BLTP3A: variants seen among roughly 807,000 people sequenced by gnomAD.
BLTP3A encodes the protein ICBP90 binding protein 1.
At chr6:34,866,587 A>G in the BLTP3A span, among the ~76,000 whole-genome samples, 1 of 152,190 alleles carries the variant, frequency 6.6e-6, no homozygotes, top group Non-Finnish European at 1.5e-5. Context: ...GGTAAAATAC[A>G]TATGAAATTT....
At chr6:34,810,079 A>G in the BLTP3A span, among the ~76,000 whole-genome samples, 1 of 152,242 alleles carries the variant, frequency 6.6e-6, no homozygotes, top group Non-Finnish European at 1.5e-5. Context: ...TGTTTACAAG[A>G]TGAATCAGGT....
the BLTP3A span, among the ~76,000 whole-genome samples, chr6:34,794,760 T>A: frequency 6.6e-6 from 1 of 151,618 alleles, no homozygotes; most frequent in Non-Finnish European, 1.5e-5. Context: ...ACAGATATTC[T>A]GTGCACTCCT....
chr6:34,801,977 TCCAC>T, the BLTP3A span, among the ~76,000 whole-genome samples: 1 of 152,092 alleles, frequency 6.6e-6, no homozygotes, highest in African/African-American at 2.4e-5. Flanking sequence ...GACCTCATGA[TCCAC>T]CCACCTCGGC....
chr6:34,857,749 G>A, the BLTP3A span: 1 of 1,614,086 alleles, frequency 6.2e-7, no homozygotes, highest in Non-Finnish European at 8.5e-7. Flanking sequence ...TCTACATTCA[G>A]TTAAATGGTC....
chr6:34,827,939 A>G, the BLTP3A span, among the ~76,000 whole-genome samples: 2 of 152,134 alleles, frequency 1.3e-5, no homozygotes, highest in Non-Finnish European at 2.9e-5. Flanking sequence ...TTGAGTAGCA[A>G]TTTGACATAC....
chr6:34,803,427 G>A, the BLTP3A span, among the ~76,000 whole-genome samples: 1 of 152,030 alleles, frequency 6.6e-6, no homozygotes, highest in African/African-American at 2.4e-5. Flanking sequence ...TGCCCTCAGT[G>A]CTTTGCTACT....
At chr6:34,867,034 G>A in the BLTP3A span, among the ~76,000 whole-genome samples, 1 of 152,150 alleles carries the variant, frequency 6.6e-6, no homozygotes, top group African/African-American at 2.4e-5. Context: ...GGGATCAAAT[G>A]TCATTACACT....
the BLTP3A span, among the ~76,000 whole-genome samples, chr6:34,795,801 A>G: frequency 2.0e-5 from 3 of 152,328 alleles, no homozygotes; most frequent in Admixed American, 1.3e-4. Flanking sequence ...AGGAATAAGT[A>G]TCACAGACAT....
chr6:34,797,037 G>A, the BLTP3A span, among the ~76,000 whole-genome samples: 109 of 152,284 alleles, frequency 7.2e-4, 3 homozygotes, highest in East Asian at 0.02. Flanking sequence ...AAAAGATAAG[G>A]AGGAAGAATA....
the BLTP3A span, among the ~76,000 whole-genome samples, chr6:34,828,229 G>C: frequency 4.6e-5 from 7 of 151,906 alleles, no homozygotes; most frequent in Non-Finnish European, 1.0e-4. Context: ...GAGGTGGGCA[G>C]ATCACGAGGT....
the BLTP3A span, among the ~76,000 whole-genome samples, chr6:34,861,994 CA>C: frequency 6.6e-6 from 1 of 152,182 alleles, no homozygotes; most frequent in Non-Finnish European, 1.5e-5. Context: ...CCATTTTACT[CA>C]GGTAGAACCA....
At chr6:34,819,740 G>A in the BLTP3A span, among the ~76,000 whole-genome samples, 2 of 152,218 alleles carry the variant, frequency 1.3e-5, no homozygotes, top group African/African-American at 4.8e-5. Flanking sequence ...TTGCATGGCA[G>A]ATAGTGGTGT....
the BLTP3A span, chr6:34,876,525 A>G: frequency 1.1e-4 from 17 of 152,238 alleles, no homozygotes; most frequent in African/African-American, 3.4e-4. Context: ...TTTTCTCTCA[A>G]TATTTGCCTA....
the BLTP3A span, among the ~76,000 whole-genome samples, chr6:34,818,381 A>G: frequency 6.6e-6 from 1 of 151,924 alleles, no homozygotes; most frequent in Non-Finnish European, 1.5e-5. Flanking sequence ...AGGTGGGAGA[A>G]TAGCTTGAGG....
At chr6:34,833,920 CAAAAAAAAAAAAAAA>C in the BLTP3A span, among the ~76,000 whole-genome samples, 1 of 45,082 alleles carries the variant, frequency 2.2e-5, no homozygotes, top group Non-Finnish European at 4.4e-5. Flanking sequence ...GACTCCGTCT[CAAAAAAAAAAAAAAA>C]AAAAAAAAAA....
chr6:34,869,849 A>G, the BLTP3A span, among the ~76,000 whole-genome samples: 10 of 151,926 alleles, frequency 6.6e-5, no homozygotes, highest in East Asian at 1.7e-3. Context: ...GGGTTTCACC[A>G]TGTTGCTCAG....
the BLTP3A span, among the ~76,000 whole-genome samples, chr6:34,823,576 T>C: frequency 2.8e-4 from 42 of 148,772 alleles, no homozygotes; most frequent in South Asian, 9.0e-3. Context: ...AGGGTCTTGC[T>C]CTGTCACCCA....
At chr6:34,863,978 G>T in the BLTP3A span, 14 of 1,477,902 alleles carry the variant, frequency 9.5e-6, no homozygotes, top group African/African-American at 3.0e-5. Flanking sequence ...CACATTTGTG[G>T]TTTTTGTTTT....
At chr6:34,800,557 G>A in the BLTP3A span, among the ~76,000 whole-genome samples, 1 of 152,144 alleles carries the variant, frequency 6.6e-6, no homozygotes, top group African/African-American at 2.4e-5. Flanking sequence ...TTTTAACTCT[G>A]TGTGGTGATG....
Sources: gnomAD v4.1 joint callset for allele counts (sites outside exome capture counted in the v4.1 genomes callset) on GRCh38, gnomAD v4.1.1 for gene constraint, MANE v1.5 for transcripts, NCBI Gene and HGNC (gene_info 2026-07-23, HGNC 2026-07-21) for gene names.